The following ZCCHC7 variants were observed in gnomAD, a reference collection of about 807,000 sequenced individuals.
ZCCHC7 encodes zinc finger CCHC-type containing 7.
ZCCHC7 carries 35 observed loss-of-function variants against 52.0 expected under a neutral mutation model. The ratio of observed to expected loss-of-function variants is 0.67; its 90% CI spans 0.51 to 0.89. ZCCHC7 has a LOEUF of 0.89. Ranked by LOEUF, ZCCHC7 falls within the 40% of genes least tolerant of loss-of-function variation. The probability of loss-of-function intolerance (pLI) is 0.00; values close to 1 mark genes in which losing one functional copy is unlikely to be tolerated. For synonymous variants in ZCCHC7, 217 were observed against 221.5 expected, an observed-to-expected ratio of 0.98 and a Z score of 0.18; for missense variants, 574 against 649.1, an observed-to-expected ratio of 0.88 and a Z score of 1.26.
chr9:37,317,592 T>G (rs1372725531), intron 5 of ZCCHC7, among the ~76,000 whole-genome samples: 1 of 152,130 alleles, frequency 6.6e-6, no homozygotes, highest in Non-Finnish European at 1.5e-5. Flanking sequence ...ATTTTTTAAA[T>G]TATAGTAATG....
intron 2 of ZCCHC7, among the ~76,000 whole-genome samples, chr9:37,165,931 T>C (rs896748759): frequency 1.3e-5 from 2 of 152,242 alleles, no homozygotes; most frequent in African/African-American, 4.8e-5. Flanking sequence ...AGGAATGTTA[T>C]GCAGGTGAGT....
chr9:37,226,264 A>G (rs757625820), intron 2 of ZCCHC7, among the ~76,000 whole-genome samples: 2 of 152,222 alleles, frequency 1.3e-5, no homozygotes, highest in African/African-American at 2.4e-5. Context: ...AGTGAACACT[A>G]TAAGGCAATG....
intron 2 of ZCCHC7, among the ~76,000 whole-genome samples, chr9:37,269,165 G>A (rs892882118): frequency 2.0e-5 from 3 of 152,074 alleles, no homozygotes; most frequent in African/African-American, 7.2e-5. Flanking sequence ...AGCATGTAGG[G>A]CAAGATGAGG....
chr9:37,184,113 T>C (rs1002084081), intron 2 of ZCCHC7, among the ~76,000 whole-genome samples: 1 of 152,234 alleles, frequency 6.6e-6, no homozygotes, highest in African/African-American at 2.4e-5. Context: ...TCTATTATGC[T>C]GACATTCACA....
At chr9:37,262,605 C>G (rs996458503) in intron 2 of ZCCHC7, among the ~76,000 whole-genome samples, 1 of 152,146 alleles carries the variant, frequency 6.6e-6, no homozygotes, top group Non-Finnish European at 1.5e-5. Context: ...GCTGCCCTCT[C>G]CTGGTCATCT....
chr9:37,197,735 T>C (rs898129022), intron 2 of ZCCHC7, among the ~76,000 whole-genome samples: 4 of 152,186 alleles, frequency 2.6e-5, no homozygotes, highest in African/African-American at 9.6e-5. Flanking sequence ...ATTGCACTAT[T>C]CTGGATTTGA....
chr9:37,236,596 G>A (rs773806196), intron 2 of ZCCHC7, among the ~76,000 whole-genome samples: 15 of 151,970 alleles, frequency 9.9e-5, no homozygotes, highest in Non-Finnish European at 8.8e-5. Flanking sequence ...GGGTTTCACC[G>A]TGTTAGCCAG....
rs532022057 is a variant in ZCCHC7 at position 37,209,341 on chromosome 9, T to C, written c.610+82399T>C. Among the ~76,000 whole-genome samples, 19 of 149,926 alleles carry C rather than the reference T, an allele frequency of 1.3e-4. 1 individual carries two copies. Among genetic ancestry groups the C allele is most frequent in the Admixed American group, 1.2e-3 (18 of 15,026 alleles). On this transcript the variant is annotated intron_variant, in intron 2 of 8. Transcript: ENST00000336755. ...AGGCATGAGCCACCACGCCTGGCCATTTTTTTTTTAAAGTTCCAAGTATAT... is the reference window on the plus strand; with the variant it reads ...AGGCATGAGCCACCACGCCTGGCCACTTTTTTTTTAAAGTTCCAAGTATAT...
intron 5 of ZCCHC7, among the ~76,000 whole-genome samples, chr9:37,321,075 G>A (rs933270330): frequency 6.3e-5 from 9 of 141,838 alleles, no homozygotes; most frequent in African/African-American, 1.0e-4. Context: ...TGCAACTTCC[G>A]CCTCCTGGGT....
At chr9:37,306,682 C>CTCG (rs1829329825) in intron 5 of ZCCHC7, among the ~76,000 whole-genome samples, 1 of 140,830 alleles carries the variant, frequency 7.1e-6, no homozygotes, top group South Asian at 2.3e-4. Flanking sequence ...CCAGGATGGT[C>CTCG]TCGATCTCCT....
At chr9:37,252,820 A>G (rs567428006) in intron 2 of ZCCHC7, among the ~76,000 whole-genome samples, 63 of 152,266 alleles carry the variant, frequency 4.1e-4, no homozygotes, top group Non-Finnish European at 7.8e-4. Flanking sequence ...GGTATTTGAG[A>G]GCTAATCATC....
At chr9:37,281,455 C>T (rs1239410716) in intron 2 of ZCCHC7, among the ~76,000 whole-genome samples, 1 of 152,164 alleles carries the variant, frequency 6.6e-6, no homozygotes, top group Admixed American at 6.5e-5. Context: ...ATTATAAACT[C>T]TTTATGTGCA....
At chr9:37,234,771 A>G (rs569050411) in intron 2 of ZCCHC7, among the ~76,000 whole-genome samples, 14 of 152,322 alleles carry the variant, frequency 9.2e-5, no homozygotes, top group African/African-American at 3.4e-4. Context: ...GAAAGCTTCA[A>G]AGATTCTTCC....
intron 7 of ZCCHC7, among the ~76,000 whole-genome samples, chr9:37,351,818 T>G (rs1383863176): frequency 6.6e-6 from 1 of 152,194 alleles, no homozygotes; most frequent in African/African-American, 2.4e-5. Flanking sequence ...TTTGTTCAAT[T>G]AAAGAAAAAC....
intron 2 of ZCCHC7, among the ~76,000 whole-genome samples, chr9:37,210,903 A>T (rs142388489): frequency 1.4e-4 from 21 of 152,282 alleles, no homozygotes; most frequent in Non-Finnish European, 2.5e-4. Context: ...TGGTCAGATG[A>T]TTAGTCTCTA....
At chr9:37,352,921 A>G (rs942776717) in intron 7 of ZCCHC7, among the ~76,000 whole-genome samples, 6 of 152,214 alleles carry the variant, frequency 3.9e-5, no homozygotes, top group African/African-American at 1.2e-4. Context: ...GGTAGTCACA[A>G]CAGATAAATC....
At chr9:37,224,803 T>G (rs1312170009) in intron 2 of ZCCHC7, among the ~76,000 whole-genome samples, 1 of 152,194 alleles carries the variant, frequency 6.6e-6, no homozygotes, top group Admixed American at 6.5e-5. Flanking sequence ...ATGAACCTCT[T>G]GAGAGTCTGA....
rs1027631626 is a variant in ZCCHC7 at position 37,345,423 on chromosome 9, C to T, written c.988-3934C>T. On this transcript the variant is annotated intron_variant, in intron 6 of 8. Transcript: ENST00000336755. ...CAATAAGGGATACATGGCTTACATG[C>T]GTACCTGTTAAAACTCTGTTTAGGC... 2.6e-5 allele frequency among the ~76,000 whole-genome samples: 4 copies of T among 152,148 alleles called. No individual in the cohort carries two copies. The East Asian group carries it at 5.8e-4, about 22-fold the overall frequency.
intron 2 of ZCCHC7, among the ~76,000 whole-genome samples, chr9:37,193,713 G>A (rs1042825067): frequency 9.9e-5 from 15 of 152,222 alleles, no homozygotes; most frequent in African/African-American, 3.6e-4. Context: ...AATTAATGCA[G>A]TTTATATGCA....
Sources: allele counts gnomAD v4.1 joint callset (sites outside exome capture counted in the v4.1 genomes callset), GRCh38; gene constraint gnomAD v4.1.1; transcripts MANE v1.5; gene names NCBI Gene and HGNC (gene_info 2026-07-23, HGNC 2026-07-21).